The following SLC9D1 variants were observed in gnomAD, a reference collection of about 807,000 sequenced individuals.
SLC9D1 encodes putative LAG1-interacting protein.
the SLC9D1 span, among the ~76,000 whole-genome samples, chr13:113,512,984 C>T: frequency 6.6e-6 from 1 of 152,008 alleles, no homozygotes; most frequent in East Asian, 1.9e-4. Flanking sequence ...GAAAGAGGAC[C>T]TGGTAGGTTT....
At chr13:113,501,604 C>A in the SLC9D1 span, 1 of 630,864 alleles carries the variant, frequency 1.6e-6, no homozygotes, top group Non-Finnish European at 2.8e-6. Flanking sequence ...GGATCCTCAG[C>A]ATGAGGAAAA....
the SLC9D1 span, among the ~76,000 whole-genome samples, chr13:113,508,407 A>G: frequency 0.19 from 28,184 of 152,234 alleles, 3,447 homozygotes; most frequent in African/African-American, 0.35. Flanking sequence ...CAGCGTGGAC[A>G]GCACGGGTGC....
chr13:113,539,238 T>G, the SLC9D1 span: 2 of 948,060 alleles, frequency 2.1e-6, no homozygotes, highest in Non-Finnish European at 3.2e-6. This position sits in a 1 kb window ranked among gnomAD's most constrained non-coding sequence, Gnocchi z 4.8. Context: ...ACACGCTCTG[T>G]TTGTGCAGCT....
At chr13:113,505,089 A>G in the SLC9D1 span, 28,095 of 151,984 alleles carry the variant, frequency 0.18, 3,409 homozygotes, top group African/African-American at 0.35. Context: ...TCTGTTGGCC[A>G]TTTGTATATC....
the SLC9D1 span, among the ~76,000 whole-genome samples, chr13:113,519,788 G>T: frequency 1.3e-5 from 2 of 152,158 alleles, no homozygotes; most frequent in South Asian, 4.1e-4. Flanking sequence ...GGCTCATTCC[G>T]TGTGGTGGCT....
At chr13:113,522,343 G>GTTT in the SLC9D1 span, among the ~76,000 whole-genome samples, 1 of 152,128 alleles carries the variant, frequency 6.6e-6, no homozygotes, top group African/African-American at 2.4e-5. Context: ...TGTTGTTGTT[G>GTTT]TTGTTGTTGT....
chr13:113,511,898 A>G, the SLC9D1 span: 3 of 152,386 alleles, frequency 2.0e-5, no homozygotes, highest in Admixed American at 6.5e-5. Flanking sequence ...TGCACGGTGT[A>G]TATACACTCG....
At chr13:113,512,162 G>T in the SLC9D1 span, among the ~76,000 whole-genome samples, 2 of 132,456 alleles carry the variant, frequency 1.5e-5, no homozygotes, top group Non-Finnish European at 3.2e-5. Context: ...TCGGAGTCGC[G>T]GGGGCCGGGA....
At chr13:113,546,064 C>T in the SLC9D1 span, among the ~76,000 whole-genome samples, 11 of 152,044 alleles carry the variant, frequency 7.2e-5, no homozygotes, top group African/African-American at 2.7e-4. This position sits in a 1 kb window ranked among gnomAD's most constrained non-coding sequence, Gnocchi z 7.1. Context: ...TGTGTGGCCG[C>T]GATGTGAGGC....
the SLC9D1 span, among the ~76,000 whole-genome samples, chr13:113,518,412 A>G: frequency 3.9e-5 from 6 of 152,200 alleles, no homozygotes; most frequent in South Asian, 1.2e-3. Context: ...TGTTGATTTC[A>G]GCCAGTTCAC....
At chr13:113,494,655 C>CAT in the SLC9D1 span, among the ~76,000 whole-genome samples, 44,788 of 150,278 alleles carry the variant, frequency 0.3, 7,208 homozygotes, top group African/African-American at 0.41. Context: ...GGTATTGTGG[C>CAT]ATATATATAT....
the SLC9D1 span, chr13:113,539,513 C>G: frequency 6.2e-7 from 1 of 1,610,864 alleles, no homozygotes; most frequent in South Asian, 1.1e-5. The surrounding 1 kb of genome is among the most constrained non-coding windows in gnomAD (Gnocchi z 4.8). Context: ...CATAGGTAAT[C>G]TTCCTTCTTT....
the SLC9D1 span, among the ~76,000 whole-genome samples, chr13:113,494,471 G>A: frequency 2.0e-5 from 3 of 152,198 alleles, no homozygotes; most frequent in Non-Finnish European, 4.4e-5. Context: ...GGACACCACG[G>A]CTACAGCCGC....
chr13:113,511,061 G>GA, the SLC9D1 span, among the ~76,000 whole-genome samples: 673 of 111,260 alleles, frequency 6.0e-3, 7 homozygotes, highest in East Asian at 0.02. Context: ...GACTTGCTCG[G>GA]AGCCTAGGCA....
the SLC9D1 span, among the ~76,000 whole-genome samples, chr13:113,497,610 G>A: frequency 2.2e-3 from 330 of 151,730 alleles, 1 homozygote; most frequent in Non-Finnish European, 2.9e-3. Flanking sequence ...ACCTACAGCT[G>A]TGTGAGACCT....
At chr13:113,512,046 G>A in the SLC9D1 span, 1 of 142,956 alleles carries the variant, frequency 7.0e-6, no homozygotes, top group African/African-American at 2.7e-5. Context: ...GAGGGTTGGA[G>A]TGTAGATGGA....
the SLC9D1 span, among the ~76,000 whole-genome samples, chr13:113,544,126 C>T: frequency 6.6e-6 from 1 of 152,370 alleles, no homozygotes; most frequent in Admixed American, 6.5e-5. Flanking sequence ...TCCGGGCTGC[C>T]TGCCCGGTGC....
At chr13:113,509,494 C>T in the SLC9D1 span, among the ~76,000 whole-genome samples, 1,746 of 149,952 alleles carry the variant, frequency 0.012, 40 homozygotes, top group South Asian at 0.1. Flanking sequence ...CTCCCGGAGC[C>T]GCATGTGCCC....
the SLC9D1 span, among the ~76,000 whole-genome samples, chr13:113,521,644 C>G: frequency 6.6e-6 from 1 of 152,184 alleles, no homozygotes; most frequent in South Asian, 2.1e-4. Flanking sequence ...TTCATTCTCC[C>G]AATATCGTAT....
Sources: allele counts gnomAD v4.1 joint callset (sites outside exome capture counted in the v4.1 genomes callset), GRCh38; gene constraint gnomAD v4.1.1; non-coding constraint Gnocchi (gnomAD v3.1); transcripts MANE v1.5; gene names NCBI Gene and HGNC (gene_info 2026-07-23, HGNC 2026-07-21).